ELANE: variants seen among roughly 807,000 people sequenced by gnomAD.
The protein encoded by ELANE is elastase, neutrophil expressed, also known as neutrophil elastase.
A neutral mutation model predicts 20.6 loss-of-function variants in ELANE; 12 were observed. The ratio of observed to expected loss-of-function variants is 0.58; its 90% CI spans 0.37 to 0.94. The LOEUF is 0.94. Ranked by LOEUF, ELANE falls within the 40% of genes least tolerant of loss-of-function variation. The pLI, the probability that ELANE is intolerant of heterozygous loss-of-function variation, is 0.01. For missense variants in ELANE, 388 were observed against 395.2 expected, an observed-to-expected ratio of 0.98 and a Z score of 0.15; for synonymous variants, 203 against 177.4, an observed-to-expected ratio of 1.14 and a Z score of -1.15.
At position 855,900 on chromosome 19, in the gene ELANE, G is replaced by C; in HGVS notation, c.598-58G>C. On this transcript the variant is annotated intron_variant, in intron 4 of 4. Coordinates refer to ENST00000263621, the MANE Select transcript of ELANE (RefSeq NM_001972.4). The surrounding 1 kb of genome is among the most constrained non-coding windows in gnomAD (Gnocchi z 6.2). ...GAGGGACTTCCCAACCCTGACAGGC[G>C]GCGGGCAGGTGGGCAGGGCCTCGCA... is the stretch of plus-strand genomic sequence containing the variant. The C allele has an allele frequency of 4.4e-6, 7 of 1,608,914 alleles. No homozygotes were observed. Among genetic ancestry groups the C allele is most frequent in the Non-Finnish European group, 5.9e-6 (7 of 1,178,942 alleles).
chr19:855,624 C>T lies in ELANE; in HGVS notation c.427C>T (p.Arg143Cys), dbSNP rs199558534. Residue 143 changes from arginine to cysteine, a missense_variant, in exon 4 of 5, where the codon CGC (arginine) becomes TGC (cysteine). Transcript: ENST00000263621. This position sits in a 1 kb window ranked among gnomAD's most constrained non-coding sequence, Gnocchi z 6.2. ...GGTGGCCCAGCTGCCGGCTCAGGGACGCCGCCTGGGCAACGGGGTGCAGTG... is the reference window on the plus strand; with the variant it reads ...GGTGGCCCAGCTGCCGGCTCAGGGATGCCGCCTGGGCAACGGGGTGCAGTG... Reference protein sequence around the residue: ...VQVAQLPAQGRRLGNGVQCLA... With the variant: ...VQVAQLPAQGCRLGNGVQCLA... 19 of 1,603,854 alleles carry T rather than the reference C, an allele frequency of 1.2e-5. No homozygotes were observed. Among genetic ancestry groups the T allele is most frequent in the Middle Eastern group, 3.3e-4 (2 of 6,048 alleles).
rs753213805 is a variant in ELANE at position 852,976 on chromosome 19, C to T, written c.168C>T (p.Gly56=). 5.7e-6 allele frequency: 9 copies of T among 1,584,852 alleles called. No individual in the cohort carries two copies. Among genetic ancestry groups the T allele is most frequent in the Admixed American group, 1.7e-5 (1 of 57,584 alleles). ...SLQLRGGHFC[G]ATLIAPNFVM... is the part of the protein sequence containing the mutation. ...AGCTGCGCGGAGGCCACTTCTGCGGCGCCACCCTGATTGCGCCCAACTTCG... is the reference window on the plus strand; with the variant it reads ...AGCTGCGCGGAGGCCACTTCTGCGGTGCCACCCTGATTGCGCCCAACTTCG... Residue 56 remains glycine, a synonymous_variant, in exon 2 of 5, where the codon GGC becomes GGT. Coordinates refer to ENST00000263621, the MANE Select transcript of ELANE (RefSeq NM_001972.4).
intron 1 of ELANE, 138 bp from the exon 2 acceptor site, chr19:852,738 T>G: frequency 1.6e-6 from 2 of 1,275,016 alleles, no homozygotes; most frequent in Non-Finnish European, 2.1e-6. Flanking sequence ...CCCGATCCCG[T>G]GGGTTCCCGG....
At chr19:853,146 G>T in intron 2 of ELANE, 114 bp downstream of exon 2, 3 of 1,464,794 alleles carry the variant, frequency 2.0e-6, no homozygotes, top group East Asian at 2.6e-5. Flanking sequence ...TCCAGGGCCC[G>T]CGGGGCCCCT....
intron 3 of ELANE, among the ~76,000 whole-genome samples, chr19:853,623 C>T (rs1009169498): frequency 1.3e-5 from 2 of 152,116 alleles, no homozygotes; most frequent in Non-Finnish European, 2.9e-5. Flanking sequence ...AGGGAGGCCC[C>T]GATCTGCTGT....
At chr19:853,059 G>C in intron 2 of ELANE, 27 bp downstream of exon 2, 1 of 1,537,272 alleles carries the variant, frequency 6.5e-7, no homozygotes, top group South Asian at 1.2e-5. Context: ...GTGCGCGCCC[G>C]GCTCGGACCC....
chr19:854,429 CAAA>C (rs113532242), intron 3 of ELANE, among the ~76,000 whole-genome samples: 5 of 125,608 alleles, frequency 4.0e-5, no homozygotes, highest in Admixed American at 8.3e-5. Flanking sequence ...GCCTGGGTCT[CAAA>C]AAAAAAAAAA....
intron 3 of ELANE, 109 bp downstream of exon 3, chr19:853,512 C>T (rs773691169): frequency 7.5e-7 from 1 of 1,342,018 alleles, no homozygotes; most frequent in Non-Finnish European, 1.0e-6. Context: ...CCTGGGGTGG[C>T]ATCGTGGGCT....
Position 855,162 on chromosome 19 carries a change from T to TTA in ELANE, c.367-402_367-401insTA, listed in dbSNP as rs2035657907. Among the ~76,000 whole-genome samples, 1 of 151,950 alleles carries TTA rather than the reference T, an allele frequency of 6.6e-6. No individual in the cohort carries two copies. The highest frequency in any genetic ancestry group is 2.4e-5 in the African/African-American group (1 of 41,340). On this transcript the variant is annotated intron_variant, in intron 3 of 4. Coordinates refer to ENST00000263621, the MANE Select transcript of ELANE (RefSeq NM_001972.4). This position sits in a 1 kb window ranked among gnomAD's most constrained non-coding sequence, Gnocchi z 6.2. ...GCCACCGCACCTGGCAATTTTTTTTTATTATTTTTGTAGACATGGGGCTTT... is the reference window on the plus strand; with the variant it reads ...GCCACCGCACCTGGCAATTTTTTTTTTAATTATTTTTGTAGACATGGGGCTTT...
Position 853,293 on chromosome 19 carries a change from G to A in ELANE, c.256G>A (p.Ala86Thr). 1 of 1,609,890 alleles carries A rather than the reference G, an allele frequency of 6.2e-7. No homozygotes were observed. Among genetic ancestry groups the A allele is most frequent in the Non-Finnish European group, 8.5e-7 (1 of 1,178,568 alleles). The change falls in exon 3 of 5, where the codon GCC becomes ACC. Residue 86 changes from alanine to threonine, a missense_variant. Coordinates refer to ENST00000263621, the MANE Select transcript of ELANE (RefSeq NM_001972.4). ...NVRAVRVVLG[A>T]HNLSRREPTR... ...CCGCGCGGTGCGGGTGGTCCTGGGA[G>A]CCCATAACCTCTCGCGGCGGGAGCC... is the stretch of plus-strand genomic sequence containing the variant.
chr19:855,722 G>A lies in ELANE; in HGVS notation c.525G>A (p.Thr175=), dbSNP rs370496690. 6.2e-6 allele frequency: 10 copies of A among 1,609,828 alleles called. No homozygotes were observed. The highest frequency in any genetic ancestry group is 5.3e-5 in the African/African-American group (4 of 74,930). ...GCGTCCTGCAGGAGCTCAACGTGAC[G>A]GTGGTGACGTCCCTCTGCCGTCGCA... ...IASVLQELNV[T]VVTSLCRRSN... Residue 175 remains threonine (T), a synonymous_variant, in exon 4 of 5, where the codon ACG becomes ACA. Coordinates refer to ENST00000263621, the MANE Select transcript of ELANE (RefSeq NM_001972.4). The surrounding 1 kb of genome is among the most constrained non-coding windows in gnomAD (Gnocchi z 6.2).
rs1486125123 is a variant in ELANE at position 853,268 on chromosome 19, C to CCG, written c.236_237dup (p.Val80ArgfsTer34). 6.2e-7 allele frequency: 1 copy of CCG among 1,601,474 alleles called. No individual in the cohort carries two copies. Among genetic ancestry groups the CCG allele is most frequent in the African/African-American group, 1.3e-5 (1 of 74,442 alleles). On this transcript the variant is annotated frameshift_variant, in exon 3 of 5. Transcript: ENST00000263621. LOFTEE classifies it high-confidence loss of function. ...GCCTCTCCCTCCCCGGCAGAAACGT[C>CCG]CGCGCGGTGCGGGTGGTCCTGGGAG...
Position 855,950 on chromosome 19 carries a change from C to T in ELANE, c.598-8C>T, listed in dbSNP as rs778083470. On this transcript the variant is annotated splice_region_variant and splice_polypyrimidine_tract_variant and intron_variant, in intron 4 of 4. Transcript: ENST00000263621. The surrounding 1 kb of genome is among the most constrained non-coding windows in gnomAD (Gnocchi z 6.2). ...AGTCCAGCTTCCCCACCTTGTCTGC[C>T]TCCACAGGGGGACTCCGGCAGCCCC... is the stretch of plus-strand genomic sequence containing the variant. 1 of 1,613,088 alleles carries T rather than the reference C, an allele frequency of 6.2e-7. No individual in the cohort carries two copies. Among genetic ancestry groups the T allele is most frequent in the South Asian group, 1.1e-5 (1 of 91,088 alleles).
chr19:855,554 A>G lies in ELANE; in HGVS notation c.367-10A>G. The G allele has an allele frequency of 6.3e-7, 1 of 1,598,450 alleles. No individual in the cohort carries two copies. Among genetic ancestry groups the G allele is most frequent in the African/African-American group, 1.3e-5 (1 of 75,016 alleles). ...TGTGACGCGCTGACGATCTGTCCCC[A>G]CCGCCACAGCTCAACGGGTCGGCCA... is the stretch of plus-strand genomic sequence containing the variant. On this transcript the variant is annotated splice_polypyrimidine_tract_variant and intron_variant, in intron 3 of 4. Transcript: ENST00000263621. The surrounding 1 kb of genome is among the most constrained non-coding windows in gnomAD (Gnocchi z 6.2).
intron 3 of ELANE, among the ~76,000 whole-genome samples, chr19:854,341 A>T (rs1412364849): frequency 6.6e-6 from 1 of 151,788 alleles, no homozygotes; most frequent in African/African-American, 2.4e-5. Flanking sequence ...CCAACTACTC[A>T]GGAGGCTGAG....
At position 855,886 on chromosome 19, in the gene ELANE, C is replaced by G. The variant is rs1436602676; in HGVS notation, c.598-72C>G. ...TGGCTAGACCCTAGGAGGGACTTCC[C>G]AACCCTGACAGGCGGCGGGCAGGTG... is the stretch of plus-strand genomic sequence containing the variant. On this transcript the variant is annotated intron_variant, in intron 4 of 4. Transcript: ENST00000263621. The surrounding 1 kb of genome is among the most constrained non-coding windows in gnomAD (Gnocchi z 6.2). 3.7e-6 allele frequency: 6 copies of G among 1,607,100 alleles called. No individual in the cohort carries two copies. The highest frequency in any genetic ancestry group is 2.7e-5 in the African/African-American group (2 of 74,846).
chr19:853,431 G>A, intron 3 of ELANE, 28 bp downstream of exon 3: 1 of 1,572,028 alleles, frequency 6.4e-7, no homozygotes, highest in Non-Finnish European at 8.6e-7. Context: ...GGGGGGCGCA[G>A]GGGCGGAGGC....
Position 855,577 on chromosome 19 carries a change from C to T in ELANE, c.380C>T (p.Ala127Val), listed in dbSNP as rs781705775. ...CCACCGCCACAGCTCAACGGGTCGGCCACCATCAACGCCAACGTGCAGGTG... is the reference window on the plus strand; with the variant it reads ...CCACCGCCACAGCTCAACGGGTCGGTCACCATCAACGCCAACGTGCAGGTG... ...DIVILQLNGS[A>V]TINANVQVAQ... The change falls in exon 4 of 5, where the codon GCC (alanine) becomes GTC (valine). Residue 127 changes from alanine (A) to valine (V), a missense_variant. Physicochemically the swap from Ala to Val is moderately conservative, Grantham distance 64. Transcript: ENST00000263621. This position sits in a 1 kb window ranked among gnomAD's most constrained non-coding sequence, Gnocchi z 6.2. 3.5e-5 allele frequency: 56 copies of T among 1,599,586 alleles called. No individual in the cohort carries two copies. The Admixed American group carries it at 9.3e-4, about 27-fold the overall frequency.
intron 3 of ELANE, among the ~76,000 whole-genome samples, chr19:854,292 A>T (rs1290218879): frequency 6.6e-6 from 1 of 152,056 alleles, no homozygotes; most frequent in African/African-American, 2.4e-5. Context: ...AATACAAAAA[A>T]AAAAAATTAG....
Sources: allele counts gnomAD v4.1 joint callset (sites outside exome capture counted in the v4.1 genomes callset), GRCh38; gene constraint gnomAD v4.1.1; non-coding constraint Gnocchi (gnomAD v3.1); transcripts MANE v1.5; gene names NCBI Gene and HGNC (gene_info 2026-07-23, HGNC 2026-07-21).